DPYS: variants seen among roughly 807,000 people sequenced by gnomAD.
DPYS encodes the protein dihydropyrimidine amidohydrolase.
DPYS carries 39 observed loss-of-function variants against 50.3 expected under a neutral mutation model. The observed-to-expected ratio is 0.78, with a 90% CI of 0.60 to 1.01. The LOEUF (loss-of-function observed/expected upper bound fraction) is 1.01. Ranked by LOEUF, DPYS falls within the 50% of genes least tolerant of loss-of-function variation. DPYS has a pLI of 0.00. For synonymous variants in DPYS, 245 were observed against 250.7 expected (o/e 0.98, Z 0.22); for missense variants, 659 against 680.9 (o/e 0.97, Z 0.36).
intron 8 of DPYS, among the ~76,000 whole-genome samples, chr8:104,385,738 G>A (rs560984687): frequency 1.3e-5 from 2 of 152,282 alleles, no homozygotes; most frequent in African/African-American, 4.8e-5. Context: ...GTTATCTTAG[G>A]AGTGCATTCC....
intron 6 of DPYS, among the ~76,000 whole-genome samples, chr8:104,427,623 CAT>C (rs1812778010): frequency 6.6e-6 from 1 of 151,964 alleles, no homozygotes; most frequent in African/African-American, 2.4e-5. Flanking sequence ...GCCAATGACA[CAT>C]GACGCACTGG....
intron 4 of DPYS, among the ~76,000 whole-genome samples, chr8:104,439,308 T>C (rs1210262628): frequency 6.6e-6 from 1 of 152,168 alleles, no homozygotes; most frequent in Non-Finnish European, 1.5e-5. Context: ...TTAAAATCAC[T>C]GGCTCTAAAG....
chr8:104,431,151 T>C (rs530001662), intron 4 of DPYS, among the ~76,000 whole-genome samples: 1 of 152,174 alleles, frequency 6.6e-6, no homozygotes, highest in Non-Finnish European at 1.5e-5. Context: ...GGATTTTCCA[T>C]GGTGCTTTAT....
At chr8:104,459,367 C>T (rs1010197065) in intron 1 of DPYS, among the ~76,000 whole-genome samples, 4 of 152,158 alleles carry the variant, frequency 2.6e-5, no homozygotes, top group African/African-American at 9.6e-5. Flanking sequence ...TTATCAAAGT[C>T]CAGACAGATT....
chr8:104,385,919 G>C (rs1240622887), intron 8 of DPYS, among the ~76,000 whole-genome samples: 1 of 152,108 alleles, frequency 6.6e-6, no homozygotes, highest in African/African-American at 2.4e-5. Flanking sequence ...ATAAATGTCT[G>C]TTCATTATAA....
intron 5 of DPYS, 26 bp downstream of exon 5, chr8:104,429,519 T>C (rs373110643): frequency 6.2e-7 from 1 of 1,613,876 alleles, no homozygotes; most frequent in Non-Finnish European, 8.5e-7. Flanking sequence ...GGCAATACAC[T>C]TCCCAGTCAT....
chr8:104,391,102 A>C (rs1564079849), intron 8 of DPYS, among the ~76,000 whole-genome samples: 1 of 152,240 alleles, frequency 6.6e-6, no homozygotes, highest in Admixed American at 6.5e-5. Context: ...TTTTCTGAGA[A>C]TTTAAAGCAC....
At position 104,428,837 on chromosome 8, in the gene DPYS, C is replaced by T. The variant is rs896092195; in HGVS notation, c.950+708G>A. Reference sequence around the variant, plus strand: ...AGGATAGAATTTTCTTTTCTCTTTTCTTTTTTTTTTCGAGACAGAGTCTTG... The same window carrying T: ...AGGATAGAATTTTCTTTTCTCTTTTTTTTTTTTTTTCGAGACAGAGTCTTG... On this transcript the variant is annotated intron_variant, in intron 5 of 9. Coordinates refer to ENST00000351513, the MANE Select transcript of DPYS (RefSeq NM_001385.3). Among the ~76,000 whole-genome samples, 395 of 147,902 alleles carry T rather than the reference C, an allele frequency of 2.7e-3. 4 individuals carry two copies. Among genetic ancestry groups the T allele is most frequent in the African/African-American group, 9.3e-3 (376 of 40,328 alleles).
At chr8:104,465,995 T>C (rs1333218143) in intron 1 of DPYS, among the ~76,000 whole-genome samples, 1 of 150,738 alleles carries the variant, frequency 6.6e-6, no homozygotes, top group Non-Finnish European at 1.5e-5. Flanking sequence ...TGTGTGAGTG[T>C]TGCGAGATCA....
intron 7 of DPYS, among the ~76,000 whole-genome samples, chr8:104,422,873 T>C (rs2140615963): frequency 6.6e-6 from 1 of 152,336 alleles, no homozygotes; most frequent in Admixed American, 6.5e-5. Flanking sequence ...AGTGATATTT[T>C]AAATATCAGG....
intron 7 of DPYS, among the ~76,000 whole-genome samples, chr8:104,409,054 C>G (rs796467019): frequency 5.5e-4 from 83 of 151,482 alleles, no homozygotes; most frequent in African/African-American, 1.9e-3. Flanking sequence ...CCTCGTGATC[C>G]CAAAGTGCTG....
intron 5 of DPYS, among the ~76,000 whole-genome samples, chr8:104,428,746 C>G (rs1262997734): frequency 6.6e-6 from 1 of 152,164 alleles, no homozygotes; most frequent in Non-Finnish European, 1.5e-5. Context: ...CTTGTACGGT[C>G]TGTCATGAAA....
chr8:104,431,059 T>G (rs1237785970), intron 4 of DPYS, among the ~76,000 whole-genome samples: 1 of 152,206 alleles, frequency 6.6e-6, no homozygotes, highest in Admixed American at 6.5e-5. Flanking sequence ...GACCTTCCTA[T>G]TCCAAGGGAA....
chr8:104,460,634 G>T (rs1211647958), intron 1 of DPYS, among the ~76,000 whole-genome samples: 7 of 152,178 alleles, frequency 4.6e-5, no homozygotes, highest in Admixed American at 3.3e-4. Flanking sequence ...TGAAAAGCAT[G>T]AACTATGGAC....
intron 2 of DPYS, among the ~76,000 whole-genome samples, chr8:104,447,862 G>A (rs1813592456): frequency 6.6e-6 from 1 of 152,240 alleles, no homozygotes; most frequent in African/African-American, 2.4e-5. Context: ...AAGCAATCAT[G>A]GATCCAGCAG....
intron 4 of DPYS, among the ~76,000 whole-genome samples, chr8:104,433,460 C>T (rs1813020140): frequency 6.6e-6 from 1 of 151,960 alleles, no homozygotes; most frequent in Admixed American, 6.6e-5. Context: ...TGGTGAAACC[C>T]CATCTCTACT....
At chr8:104,451,745 T>C (rs182855109) in intron 1 of DPYS, among the ~76,000 whole-genome samples, 78 of 152,284 alleles carry the variant, frequency 5.1e-4, no homozygotes, top group African/African-American at 1.8e-3. Flanking sequence ...AGAAGTGATA[T>C]TCATTATTAT....
intron 1 of DPYS, among the ~76,000 whole-genome samples, chr8:104,463,864 T>C (rs910267098): frequency 1.3e-5 from 2 of 152,210 alleles, no homozygotes; most frequent in African/African-American, 2.4e-5. Context: ...AACTCTATAA[T>C]GCCTTTCTTT....
chr8:104,413,101 T>C (rs562309394), intron 7 of DPYS, among the ~76,000 whole-genome samples: 4 of 152,212 alleles, frequency 2.6e-5, no homozygotes, highest in Admixed American at 6.5e-5. Context: ...TACAAAGACA[T>C]ACAGTGTCTG....
Sources: gnomAD v4.1 joint callset for allele counts (sites outside exome capture counted in the v4.1 genomes callset) on GRCh38, gnomAD v4.1.1 for gene constraint, MANE v1.5 for transcripts, NCBI Gene and HGNC (gene_info 2026-07-23, HGNC 2026-07-21) for gene names.